TMEM45A: variants seen among roughly 807,000 people sequenced by gnomAD.
The protein encoded by TMEM45A is DNA polymerase-transactivated protein 4.
A neutral mutation model predicts 32.0 loss-of-function variants in TMEM45A; 25 were observed. The ratio of observed to expected loss-of-function variants is 0.78; its 90% CI spans 0.57 to 1.09. The LOEUF is 1.09. Among genes scored for constraint, TMEM45A ranks in the 50% least tolerant of loss-of-function variants. The pLI, the probability that TMEM45A is intolerant of heterozygous loss-of-function variation, is 0.00. For synonymous variants in TMEM45A, 122 were observed against 114.8 expected (o/e 1.06, Z -0.40); for missense variants, 302 against 325.0 (o/e 0.93, Z 0.54).
intron 1 of TMEM45A, among the ~76,000 whole-genome samples, chr3:100,512,036 C>T (rs1176700546): frequency 2.0e-5 from 3 of 152,084 alleles, no homozygotes; most frequent in African/African-American, 7.2e-5. Flanking sequence ...GAGACTTTAA[C>T]ACCCCACTGT....
At chr3:100,518,285 C>G (rs533725055) in intron 1 of TMEM45A, among the ~76,000 whole-genome samples, 6 of 152,334 alleles carry the variant, frequency 3.9e-5, no homozygotes, top group Non-Finnish European at 8.8e-5. Flanking sequence ...TCCTCACTTT[C>G]TTCCAAGTTT....
chr3:100,507,455 C>T (rs1416608984), intron 1 of TMEM45A, among the ~76,000 whole-genome samples: 2 of 152,186 alleles, frequency 1.3e-5, no homozygotes, highest in East Asian at 1.9e-4. Context: ...ATTTTACCTG[C>T]TCCGGGAGAT....
At chr3:100,558,085 T>G (rs548462433) in intron 3 of TMEM45A, among the ~76,000 whole-genome samples, 2 of 152,236 alleles carry the variant, frequency 1.3e-5, no homozygotes, top group Non-Finnish European at 2.9e-5. Flanking sequence ...CCTTTTCATT[T>G]AGATAAAGAG....
chr3:100,559,966 C>T (rs181734146), intron 4 of TMEM45A, among the ~76,000 whole-genome samples: 94 of 152,206 alleles, frequency 6.2e-4, no homozygotes, highest in East Asian at 2.5e-3. Context: ...GAGCAAGAGT[C>T]GAGCTGAGCC....
rs375663929 is a variant in TMEM45A, at chr3:100,556,749, T to G, written c.191-11T>G. On this transcript the variant is annotated splice_polypyrimidine_tract_variant and intron_variant, in intron 2 of 5. Coordinates refer to ENST00000323523, the MANE Select transcript of TMEM45A (RefSeq NM_018004.3). ...GCAGAGTTGCTAAAACTGTGATATG[T>G]TTCTTGGCAGGCATGGCTGGGGAGC... 6.2e-7 allele frequency: 1 copy of G among 1,608,120 alleles called. No individual in the cohort carries two copies. The highest frequency in any genetic ancestry group is 1.3e-5 in the African/African-American group (1 of 74,954).
At chr3:100,539,502 C>CATATGCATAT (rs1705820228) in intron 1 of TMEM45A, among the ~76,000 whole-genome samples, 2 of 56,680 alleles carry the variant, frequency 3.5e-5, no homozygotes, top group Non-Finnish European at 7.6e-5. Flanking sequence ...TATACGTATA[C>CATATGCATAT]GTATACGTAT....
intron 1 of TMEM45A, among the ~76,000 whole-genome samples, chr3:100,508,657 A>G (rs1050694627): frequency 2.0e-5 from 3 of 152,190 alleles, no homozygotes; most frequent in African/African-American, 4.8e-5. Context: ...ATAAATCCAC[A>G]TATTTACAGT....
Position 100,548,834 on chromosome 3 carries a change from G to A in TMEM45A, c.-3-6375G>A, listed in dbSNP as rs551493692. 1.2e-4 allele frequency among the ~76,000 whole-genome samples: 18 copies of A among 152,284 alleles called. No individual in the cohort carries two copies. The South Asian group carries it at 2.1e-3, about 18-fold the overall frequency. ...TAGAAGAGCATCCCAAATGCTTTGCGCTGCACTGTTGACCTACAGCAGTTT... is the reference window on the plus strand; with the variant it reads ...TAGAAGAGCATCCCAAATGCTTTGCACTGCACTGTTGACCTACAGCAGTTT... On this transcript the variant is annotated intron_variant, in intron 1 of 5. Coordinates refer to ENST00000323523, the MANE Select transcript of TMEM45A (RefSeq NM_018004.3).
chr3:100,508,954 A>G (rs1708116269), intron 1 of TMEM45A, among the ~76,000 whole-genome samples: 1 of 152,232 alleles, frequency 6.6e-6, no homozygotes, highest in African/African-American at 2.4e-5. Context: ...TAACAAAAAC[A>G]AAAATAGACA....
chr3:100,506,822 G>A (rs1247545480), intron 1 of TMEM45A, among the ~76,000 whole-genome samples: 2 of 152,196 alleles, frequency 1.3e-5, no homozygotes, highest in South Asian at 2.1e-4. Flanking sequence ...AGATTCAAAG[G>A]CTTGGAGAGC....
At chr3:100,537,166 G>A (rs765220929) in intron 1 of TMEM45A, among the ~76,000 whole-genome samples, 43 of 152,124 alleles carry the variant, frequency 2.8e-4, no homozygotes, top group South Asian at 1.9e-3. Flanking sequence ...CCGGTGATCC[G>A]TCCAGCTTGG....
chr3:100,562,054 A>T (rs1314103149), intron 4 of TMEM45A, among the ~76,000 whole-genome samples: 1 of 152,250 alleles, frequency 6.6e-6, no homozygotes, highest in Admixed American at 6.5e-5. Flanking sequence ...ACAACAGGAA[A>T]TTCAGACTTC....
At chr3:100,503,327 A>G (rs1708033551) in intron 1 of TMEM45A, among the ~76,000 whole-genome samples, 2 of 151,416 alleles carry the variant, frequency 1.3e-5, no homozygotes, top group Non-Finnish European at 2.9e-5. Flanking sequence ...CTGGTCTTGA[A>G]CTCCTGACCT....
At chr3:100,531,358 T>C (rs1455570502) in intron 1 of TMEM45A, among the ~76,000 whole-genome samples, 2 of 152,128 alleles carry the variant, frequency 1.3e-5, no homozygotes, top group Non-Finnish European at 1.5e-5. Context: ...TAACTCAGCA[T>C]TTTTATCTCA....
At chr3:100,529,685 G>A (rs1705610500) in intron 1 of TMEM45A, among the ~76,000 whole-genome samples, 1 of 152,144 alleles carries the variant, frequency 6.6e-6, no homozygotes, top group African/African-American at 2.4e-5. Flanking sequence ...GCAGTGGAGT[G>A]ATCTAGCTCA....
chr3:100,535,588 G>A, intron 1 of TMEM45A, among the ~76,000 whole-genome samples: 1 of 152,166 alleles, frequency 6.6e-6, no homozygotes, highest in East Asian at 1.9e-4. Flanking sequence ...TGTCTAATTG[G>A]CCAGCTCTTT....
At chr3:100,551,512 G>C (rs1706102963) in intron 1 of TMEM45A, among the ~76,000 whole-genome samples, 1 of 152,170 alleles carries the variant, frequency 6.6e-6, no homozygotes, top group South Asian at 2.1e-4. Flanking sequence ...ATCAAACTCT[G>C]TGCTACTTTA....
intron 1 of TMEM45A, among the ~76,000 whole-genome samples, chr3:100,553,338 G>A (rs564245800): frequency 6.6e-6 from 1 of 152,190 alleles, no homozygotes; most frequent in South Asian, 2.1e-4. Flanking sequence ...TATCATTTAA[G>A]TTATTTGAAA....
At chr3:100,535,975 C>G (rs1705733050) in intron 1 of TMEM45A, among the ~76,000 whole-genome samples, 1 of 152,144 alleles carries the variant, frequency 6.6e-6, no homozygotes, top group African/African-American at 2.4e-5. Flanking sequence ...GGGGATTTCA[C>G]CAAGGTTCTC....
Sources: gnomAD v4.1 joint callset for allele counts (sites outside exome capture counted in the v4.1 genomes callset) on GRCh38, gnomAD v4.1.1 for gene constraint, MANE v1.5 for transcripts, NCBI Gene and HGNC (gene_info 2026-07-23, HGNC 2026-07-21) for gene names.